Variants in INTS4 observed in about 807,000 individuals in gnomAD.
INTS4 encodes the protein integrator complex subunit 4.
A neutral mutation model predicts 119.5 loss-of-function variants in INTS4; 70 were observed. That is an observed-to-expected ratio of 0.59 (90% CI 0.48 to 0.71). INTS4 has a LOEUF of 0.71. INTS4 is among the 30% of genes least tolerant of loss of function. The pLI, the probability that INTS4 is intolerant of heterozygous loss-of-function variation, is 0.00. For synonymous variants in INTS4, 316 were observed against 419.6 expected (o/e 0.75, Z 3.02); for missense variants, 867 against 1,173.2 (o/e 0.74, Z 3.81).
At chr11:77,928,310 G>A in intron 11 of INTS4, 32 bp downstream of exon 11, 1 of 1,609,346 alleles carries the variant, frequency 6.2e-7, no homozygotes, top group Non-Finnish European at 8.5e-7. Context: ...GGTGAGGGAT[G>A]AAGAAATGAG....
chr11:77,958,068 G>C (rs1014652628), intron 7 of INTS4, among the ~76,000 whole-genome samples: 27 of 151,934 alleles, frequency 1.8e-4, no homozygotes, highest in Non-Finnish European at 3.1e-4. Flanking sequence ...CCTTTTCTTT[G>C]TATGTGTCTA....
At chr11:77,989,561 G>A (rs1275558204) in intron 2 of INTS4, among the ~76,000 whole-genome samples, 2 of 152,124 alleles carry the variant, frequency 1.3e-5, no homozygotes, top group Admixed American at 6.5e-5. Context: ...TATTTGGTAG[G>A]TCACTATAGT....
intron 19 of INTS4, among the ~76,000 whole-genome samples, chr11:77,893,440 T>TA (rs903561678): frequency 1.3e-5 from 2 of 151,652 alleles, no homozygotes; most frequent in Non-Finnish European, 1.5e-5. Flanking sequence ...ACCCCATCTC[T>TA]AAAAAAAATA....
intron 22 of INTS4, among the ~76,000 whole-genome samples, chr11:77,879,964 CAG>C (rs1951730579): frequency 6.6e-6 from 1 of 152,152 alleles, no homozygotes. Context: ...GATAGGTTCT[CAG>C]AGACTCCCCA....
intron 3 of INTS4, 34 bp downstream of exon 3, chr11:77,981,425 G>T: frequency 3.8e-6 from 4 of 1,048,280 alleles, no homozygotes; most frequent in Non-Finnish European, 5.5e-6. Flanking sequence ...AAATATTTCT[G>T]CTCTGACTAT....
chr11:77,969,924 G>A (rs993398955), intron 4 of INTS4, among the ~76,000 whole-genome samples: 19 of 152,140 alleles, frequency 1.2e-4, no homozygotes, highest in African/African-American at 3.1e-4. Flanking sequence ...GTGGTCTTTC[G>A]TGTCTGGCTT....
chr11:77,877,057 C>G (rs1317262500), downstream of INTS4: 1 of 702,750 alleles, frequency 1.4e-6, no homozygotes, highest in East Asian at 2.7e-5. Context: ...CAGGTAAGCA[C>G]ACTAGAAAAG....
At chr11:77,968,028 C>A (rs1011767250) in intron 4 of INTS4, among the ~76,000 whole-genome samples, 1 of 152,106 alleles carries the variant, frequency 6.6e-6, no homozygotes, top group Non-Finnish European at 1.5e-5. Flanking sequence ...AGGCTATAAA[C>A]CTGTACAACA....
At chr11:77,919,047 C>T in intron 14 of INTS4, 69 bp from the exon 15 acceptor site, 22 of 1,500,088 alleles carry the variant, frequency 1.5e-5, no homozygotes, top group Non-Finnish European at 2.0e-5. Flanking sequence ...CACACAAACA[C>T]ATAAAAGCAC....
rs1240253749 is a variant in INTS4 at position 77,961,125 on chromosome 11, G to T, written c.485C>A (p.Thr162Lys). ...VDVACKHLTD[T>K]SHGVRNKCLQ... ...GCACTTATTTCTTACACCATGAGAC[G>T]TATCTGTCAGATGCTATTAAAAAAA... is the stretch of plus-strand genomic sequence containing the variant. Residue 162 changes from threonine (T) to lysine (K), a missense_variant, in exon 5 of 23, where the codon ACG becomes AAG. By Grantham distance (78) the Thr-to-Lys change is moderately conservative. Around this residue, in one of 5 missense-constraint regions of INTS4, gnomAD observed 224 missense variants for 231.8 expected, o/e 0.97. Transcript: ENST00000534064. 47 of 1,483,776 alleles carry T rather than the reference G, an allele frequency of 3.2e-5. No individual in the cohort carries two copies. Among genetic ancestry groups the T allele is most frequent in the Non-Finnish European group, 4.0e-5 (44 of 1,102,548 alleles). 91.9% of individuals were successfully genotyped at this position (1,483,776 alleles called of 1,614,324 possible). A position where few individuals can be genotyped will look rare whatever the true frequency, so the allele number is the denominator to read the frequency against.
chr11:77,887,658 T>G (rs1358925845), intron 21 of INTS4, among the ~76,000 whole-genome samples: 2 of 152,134 alleles, frequency 1.3e-5, no homozygotes, highest in Non-Finnish European at 2.9e-5. Flanking sequence ...GACATGATTG[T>G]ATATCTAGAA....
intron 7 of INTS4, among the ~76,000 whole-genome samples, chr11:77,956,718 ATAATAATAATAATAATAATAAT>A (rs1954334762): frequency 4.7e-5 from 4 of 84,952 alleles, no homozygotes; most frequent in African/African-American, 1.3e-4. Flanking sequence ...AAAAATAATA[ATAATAATAATAATAATAATAAT>A]AATAATAATA....
At chr11:77,910,017 T>C (rs1319682612) in intron 15 of INTS4, among the ~76,000 whole-genome samples, 1 of 152,088 alleles carries the variant, frequency 6.6e-6, no homozygotes, top group Non-Finnish European at 1.5e-5. Context: ...AGTTCAACCA[T>C]TGTGGAAGTC....
intron 19 of INTS4, among the ~76,000 whole-genome samples, chr11:77,893,695 C>T (rs1438058965): frequency 7.9e-5 from 12 of 152,038 alleles, no homozygotes; most frequent in Admixed American, 5.9e-4. Flanking sequence ...GAGTTAGAGA[C>T]CAGCCTGGCC....
At chr11:77,949,680 C>T (rs1046557799) in intron 8 of INTS4, among the ~76,000 whole-genome samples, 4 of 152,122 alleles carry the variant, frequency 2.6e-5, no homozygotes, top group Non-Finnish European at 4.4e-5. Context: ...CCATCTCACA[C>T]CAGTTAGAAT....
intron 21 of INTS4, among the ~76,000 whole-genome samples, chr11:77,888,013 C>T (rs9667082): frequency 6.6e-6 from 1 of 152,064 alleles, no homozygotes; most frequent in Non-Finnish European, 1.5e-5. Flanking sequence ...GTAATTTATA[C>T]ATTCAATGCC....
chr11:77,942,656 GCC>G (rs1953956793), intron 8 of INTS4, among the ~76,000 whole-genome samples: 1 of 152,106 alleles, frequency 6.6e-6, no homozygotes, highest in Non-Finnish European at 1.5e-5. Context: ...ATTTCATAAA[GCC>G]CATCTTGCAA....
downstream of INTS4, chr11:77,876,810 A>G (rs1951607430): frequency 1.3e-5 from 8 of 593,354 alleles, no homozygotes; most frequent in Middle Eastern, 3.6e-4. Flanking sequence ...TTACATGGAA[A>G]ATGAGGGCTA....
At chr11:77,963,221 AAG>A (rs1855324672) in intron 4 of INTS4, among the ~76,000 whole-genome samples, 1 of 151,978 alleles carries the variant, frequency 6.6e-6, no homozygotes, top group Non-Finnish European at 1.5e-5. Flanking sequence ...CTTAGCCCAA[AAG>A]AGAGTCTCAT....
Sources: allele counts gnomAD v4.1 joint callset (sites outside exome capture counted in the v4.1 genomes callset), GRCh38; gene constraint gnomAD v4.1.1; regional missense constraint gnomAD v4.1.1; transcripts MANE v1.5; gene names NCBI Gene and HGNC (gene_info 2026-07-23, HGNC 2026-07-21).